RBFOX1: variants seen among roughly 807,000 people sequenced by gnomAD.
The protein encoded by RBFOX1 is RNA binding fox-1 homolog 1.
RBFOX1 carries 8 observed loss-of-function variants against 57.7 expected under a neutral mutation model. That is an observed-to-expected ratio of 0.14 (90% CI 0.08 to 0.25). The LOEUF is 0.25. Ranked by LOEUF, RBFOX1 falls within the 10% of genes least tolerant of loss-of-function variation. The pLI is 1.00. For missense variants in RBFOX1, 611 were observed against 548.5 expected (o/e 1.11, Z -1.14); for synonymous variants, 326 against 222.4 (o/e 1.47, Z -4.15).
intron 2 of RBFOX1, among the ~76,000 whole-genome samples, chr16:6,402,668 A>G (rs1161499275): frequency 6.6e-6 from 1 of 152,190 alleles, no homozygotes; most frequent in Non-Finnish European, 1.5e-5. Flanking sequence ...ATACACACAC[A>G]CAGGCCTTAA....
intron 2 of RBFOX1, among the ~76,000 whole-genome samples, chr16:6,435,440 A>C (rs1053172197): frequency 6.6e-6 from 1 of 152,088 alleles, no homozygotes; most frequent in Non-Finnish European, 1.5e-5. Context: ...AGCTGGGACT[A>C]TAGGCATGCC....
intron 2 of RBFOX1, among the ~76,000 whole-genome samples, chr16:6,553,919 A>G (rs2097043773): frequency 1.3e-5 from 2 of 152,292 alleles, no homozygotes; most frequent in Middle Eastern, 3.4e-3. Flanking sequence ...TTGTACCTAA[A>G]TCATTCCCAA....
In RBFOX1 at chr16:7,068,301, C is replaced by A. The variant is rs79490477; in HGVS notation, c.27+16203C>A. Among the ~76,000 whole-genome samples, 421 of 152,248 alleles carry A rather than the reference C, an allele frequency of 2.8e-3. 2 individuals are homozygous for A. The highest frequency in any genetic ancestry group is 9.4e-3 in the African/African-American group (389 of 41,558). Reference sequence around the variant, plus strand: ...CCCCACTCTAAGTAGACTGATTCTCCATGTGTATTCAAACACTGCAGACAT... The same window carrying A: ...CCCCACTCTAAGTAGACTGATTCTCAATGTGTATTCAAACACTGCAGACAT... On this transcript the variant is annotated intron_variant, in intron 4 of 15. Transcript: ENST00000550418.
At chr16:5,969,778 A>G (rs761234550) in intron 4 of RBFOX1, among the ~76,000 whole-genome samples, 1 of 151,128 alleles carries the variant, frequency 6.6e-6, no homozygotes, top group Non-Finnish European at 1.5e-5. Context: ...CCTCCTCACC[A>G]CCATCACTTT....
intron 2 of RBFOX1, among the ~76,000 whole-genome samples, chr16:6,530,966 A>G (rs754288306): frequency 5.9e-5 from 9 of 152,120 alleles, no homozygotes; most frequent in Non-Finnish European, 1.3e-4. Context: ...AAAAACCCCA[A>G]TCACCTCCCT....
At chr16:5,625,437 C>T (rs369834833) in intron 3 of RBFOX1, among the ~76,000 whole-genome samples, 2 of 151,970 alleles carry the variant, frequency 1.3e-5, no homozygotes, top group African/African-American at 4.8e-5. Context: ...GGAGTCTGGT[C>T]GGGATTTGAA....
intron 3 of RBFOX1, among the ~76,000 whole-genome samples, chr16:6,685,980 G>C (rs941263105): frequency 6.6e-6 from 1 of 152,056 alleles, no homozygotes; most frequent in African/African-American, 2.4e-5. Context: ...AACCAAGCAG[G>C]TTCTGTCTAG....
chr16:6,361,628 TAA>T (rs748348039), intron 2 of RBFOX1, among the ~76,000 whole-genome samples: 25 of 127,782 alleles, frequency 2.0e-4, no homozygotes, highest in Non-Finnish European at 1.7e-4. Context: ...ACTCTGTCTC[TAA>T]AAAAAAAAAA....
intron 2 of RBFOX1, among the ~76,000 whole-genome samples, chr16:6,575,446 T>C (rs2097418924): frequency 6.6e-6 from 1 of 152,116 alleles, no homozygotes; most frequent in African/African-American, 2.4e-5. Context: ...CAAACAAGAG[T>C]TAAGTTCCTG....
chr16:6,039,732 C>CT (rs2095415689), intron 1 of RBFOX1, among the ~76,000 whole-genome samples: 2 of 152,190 alleles, frequency 1.3e-5, no homozygotes, highest in Non-Finnish European at 2.9e-5. Flanking sequence ...TCTGGGTTAA[C>CT]ATATTAGTTA....
intron 3 of RBFOX1, among the ~76,000 whole-genome samples, chr16:5,843,303 T>G (rs1425561253): frequency 6.6e-6 from 1 of 152,220 alleles, no homozygotes; most frequent in Admixed American, 6.5e-5. Context: ...CCTTCACCCT[T>G]AAGTAGGCTC....
At chr16:6,856,110 T>TTCCGTTTC (rs1367027369) in intron 3 of RBFOX1, among the ~76,000 whole-genome samples, 1 of 151,514 alleles carries the variant, frequency 6.6e-6, no homozygotes, top group Non-Finnish European at 1.5e-5. Context: ...CCCTTCCCTT[T>TTCCGTTTC]CTTCCCTTTC....
intron 5 of RBFOX1, among the ~76,000 whole-genome samples, chr16:7,531,853 T>G (rs2080162960): frequency 6.6e-6 from 1 of 152,002 alleles, no homozygotes; most frequent in Admixed American, 6.6e-5. Context: ...AGCTCTCAAC[T>G]CCCTCAATTT....
chr16:6,071,376 G>A (rs1225483216), intron 1 of RBFOX1, among the ~76,000 whole-genome samples: 1 of 152,106 alleles, frequency 6.6e-6, no homozygotes, highest in Non-Finnish European at 1.5e-5. Flanking sequence ...CATGTAAAGG[G>A]CAGAAAAGAA....
chr16:6,797,344 A>C (rs915713789), intron 3 of RBFOX1, among the ~76,000 whole-genome samples: 1 of 152,142 alleles, frequency 6.6e-6, no homozygotes, highest in Admixed American at 6.6e-5. Flanking sequence ...CAAAGGTGAA[A>C]ATCATTATGA....
At chr16:6,249,453 G>A (rs900784597) in intron 1 of RBFOX1, among the ~76,000 whole-genome samples, 1 of 152,168 alleles carries the variant, frequency 6.6e-6, no homozygotes, top group Non-Finnish European at 1.5e-5. Context: ...GAACCCGGGA[G>A]GCAGAGATTG....
intron 4 of RBFOX1, among the ~76,000 whole-genome samples, chr16:7,420,701 A>G (rs1254993926): frequency 6.6e-6 from 1 of 151,548 alleles, no homozygotes; most frequent in Non-Finnish European, 1.5e-5. Flanking sequence ...AATTGGGCAT[A>G]TAGCAGGGGT....
At chr16:7,236,713 G>T (rs937454481) in intron 4 of RBFOX1, among the ~76,000 whole-genome samples, 1 of 151,796 alleles carries the variant, frequency 6.6e-6, no homozygotes, top group Non-Finnish European at 1.5e-5. Flanking sequence ...TAATTTCTAA[G>T]CCACTGCAAG....
chr16:6,816,900 A>G (rs1168190123), intron 3 of RBFOX1, among the ~76,000 whole-genome samples: 1 of 151,860 alleles, frequency 6.6e-6, no homozygotes, highest in Admixed American at 6.6e-5. Flanking sequence ...AAATACCACC[A>G]TGCCTAGCTG....
Sources: gnomAD v4.1 joint callset for allele counts (sites outside exome capture counted in the v4.1 genomes callset) on GRCh38, gnomAD v4.1.1 for gene constraint, MANE v1.5 for transcripts, NCBI Gene and HGNC (gene_info 2026-07-23, HGNC 2026-07-21) for gene names.